SPRED1: variants seen among roughly 807,000 people sequenced by gnomAD.
SPRED1 encodes the protein sprouty-related, EVH1 domain-containing protein 1.
In SPRED1, 18 loss-of-function variants were observed where a neutral mutation model predicts 52.3. The ratio of observed to expected loss-of-function variants is 0.34; its 90% CI spans 0.24 to 0.51. The LOEUF (loss-of-function observed/expected upper bound fraction) is 0.51, where lower values mean the gene tolerates loss of function less well. SPRED1 is among the 20% of genes least tolerant of loss of function. The probability of loss-of-function intolerance (pLI) is 0.97; values close to 1 mark genes in which losing one functional copy is unlikely to be tolerated. For missense variants in SPRED1, 485 were observed against 551.0 expected, an observed-to-expected ratio of 0.88 and a Z score of 1.20; for synonymous variants, 155 against 179.7, an observed-to-expected ratio of 0.86 and a Z score of 1.10.
At chr15:38,317,912 T>C (rs16966735) in intron 2 of SPRED1, among the ~76,000 whole-genome samples, 6,263 of 151,816 alleles carry the variant, frequency 0.041, 441 homozygotes, top group African/African-American at 0.14. Flanking sequence ...ACATTGTGTT[T>C]AGTATGATGA....
At chr15:38,300,862 G>A (rs1406706926) in intron 2 of SPRED1, among the ~76,000 whole-genome samples, 8 of 152,090 alleles carry the variant, frequency 5.3e-5, no homozygotes, top group African/African-American at 1.9e-4. Context: ...ATCTAAGAAG[G>A]CGCCTATGAT....
chr15:38,321,968 T>C (rs1468713846), intron 2 of SPRED1, among the ~76,000 whole-genome samples: 1 of 152,186 alleles, frequency 6.6e-6, no homozygotes, highest in African/African-American at 2.4e-5. Flanking sequence ...ATTCCTGATA[T>C]ATTCCTCCAG....
intron 4 of SPRED1, among the ~76,000 whole-genome samples, chr15:38,334,851 T>C (rs1196616396): frequency 2.6e-5 from 4 of 151,162 alleles, no homozygotes; most frequent in African/African-American, 9.7e-5. Context: ...GTATATACAG[T>C]CAATCTCTCA....
chr15:38,316,748 GTTTTTTT>G (rs1555390721), intron 2 of SPRED1, among the ~76,000 whole-genome samples: 1 of 41,908 alleles, frequency 2.4e-5, no homozygotes, highest in African/African-American at 9.4e-5. Context: ...TCCATTATAT[GTTTTTTT>G]TTTTTTTTTT....
At chr15:38,290,386 T>A (rs1364983303) in intron 1 of SPRED1, among the ~76,000 whole-genome samples, 3 of 152,216 alleles carry the variant, frequency 2.0e-5, no homozygotes, top group African/African-American at 7.2e-5. Flanking sequence ...GAACCTAAAA[T>A]GATTGATTCT....
intron 2 of SPRED1, among the ~76,000 whole-genome samples, chr15:38,316,756 T>TTTG (rs1895492260): frequency 6.8e-6 from 1 of 146,034 alleles, no homozygotes; most frequent in Non-Finnish European, 1.5e-5. Flanking sequence ...ATGTTTTTTT[T>TTTG]TTTTTTTTTT....
At chr15:38,323,861 C>T (rs1174408109) in intron 3 of SPRED1, among the ~76,000 whole-genome samples, 2 of 152,060 alleles carry the variant, frequency 1.3e-5, no homozygotes, top group Admixed American at 1.3e-4. Context: ...GCTCATGTAC[C>T]ATAACAGTAT....
intron 1 of SPRED1, among the ~76,000 whole-genome samples, chr15:38,256,072 A>G (rs1894089908): frequency 6.6e-6 from 1 of 152,178 alleles, no homozygotes; most frequent in Non-Finnish European, 1.5e-5. Context: ...TATTTAATCA[A>G]GAATTAGTGG....
In SPRED1 at chr15:38,351,292, G is replaced by A. The variant is rs369711772; in HGVS notation, c.963G>A (p.Lys321=). The change falls in exon 7 of 7, where the codon AAG becomes AAA. Residue 321 remains lysine, a synonymous_variant. Transcript: ENST00000299084. ...FKTQPSSLKI[K]KSKRRKEDGE... ...CGCAGCCTTCCTCATTAAAAATTAA[G>A]AAGTCAAAACGAAGAAAAGAGGATG... The A allele has an allele frequency of 2.0e-4, 320 of 1,613,980 alleles. No homozygotes were observed. The highest frequency in any genetic ancestry group is 2.5e-4 in the Non-Finnish European group (299 of 1,180,018).
intron 2 of SPRED1, among the ~76,000 whole-genome samples, chr15:38,321,729 G>A (rs1410357335): frequency 6.6e-6 from 1 of 152,058 alleles, no homozygotes; most frequent in African/African-American, 2.4e-5. Flanking sequence ...GAGTAGCTGG[G>A]ATTACAGGCA....
At chr15:38,264,198 G>A (rs1894258723) in intron 1 of SPRED1, among the ~76,000 whole-genome samples, 2 of 152,190 alleles carry the variant, frequency 1.3e-5, no homozygotes, top group Admixed American at 1.3e-4. Context: ...GTTTACAGAT[G>A]AGATAACTGA....
rs1489121428 is a variant in SPRED1, at chr15:38,356,296, A to G, written c.*4632A>G. 1 of 152,132 alleles carries G rather than the reference A, an allele frequency of 6.6e-6. No homozygotes were observed. Among genetic ancestry groups the G allele is most frequent in the African/African-American group, 2.4e-5 (1 of 41,436 alleles). 9.4% of individuals were successfully genotyped at this position (152,132 alleles called of 1,614,324 possible). A position where few individuals can be genotyped will look rare whatever the true frequency, so the allele number is the denominator to read the frequency against. ...CTCAGATATAGTTAACTAGCTTGAT[A>G]GTTTTGAGTATATAATGTAAATAAT... On this transcript the variant is annotated 3_prime_UTR_variant, in exon 7 of 7. Coordinates refer to ENST00000299084, the MANE Select transcript of SPRED1 (RefSeq NM_152594.3).
intron 1 of SPRED1, among the ~76,000 whole-genome samples, chr15:38,282,855 C>T (rs576307769): frequency 4.0e-5 from 6 of 151,898 alleles, no homozygotes; most frequent in African/African-American, 1.2e-4. Context: ...GTAAGTCCCT[C>T]GCTGTCATGC....
chr15:38,310,153 G>GTGTGTGTGTGTGTGTGTTTT (rs373463622), intron 2 of SPRED1, among the ~76,000 whole-genome samples: 1 of 132,182 alleles, frequency 7.6e-6, no homozygotes, highest in Non-Finnish European at 1.6e-5. Flanking sequence ...GTGTGTGTGT[G>GTGTGTGTGTGTGTGTGTTTT]TTTGGAGACG....
In SPRED1 at chr15:38,354,500, G is replaced by C. The variant is rs1174717643; in HGVS notation, c.*2836G>C. 6.6e-6 allele frequency: 1 copy of C among 152,146 alleles called. No individual in the cohort carries two copies. The highest frequency in any genetic ancestry group is 6.5e-5 in the Admixed American group (1 of 15,268). 9.4% of individuals were successfully genotyped at this position (152,146 alleles called of 1,614,324 possible). Reference sequence around the variant, plus strand: ...GATTTCTGAAGAAGTATGTCGTGTGGAGCTTCAGCACCACCTACTGGATGA... The same window carrying C: ...GATTTCTGAAGAAGTATGTCGTGTGCAGCTTCAGCACCACCTACTGGATGA... On this transcript the variant is annotated 3_prime_UTR_variant, in exon 7 of 7. Transcript: ENST00000299084.
intron 2 of SPRED1, among the ~76,000 whole-genome samples, chr15:38,308,983 A>C (rs1595738990): frequency 6.6e-6 from 1 of 152,186 alleles, no homozygotes; most frequent in African/African-American, 2.4e-5. Flanking sequence ...CCTCACCAGC[A>C]TTTCAAGTAG....
At chr15:38,286,142 G>A (rs911150775) in intron 1 of SPRED1, among the ~76,000 whole-genome samples, 7 of 135,642 alleles carry the variant, frequency 5.2e-5, no homozygotes, top group African/African-American at 1.9e-4. Flanking sequence ...CTACTGAGCT[G>A]AAAAGCTGAA....
chr15:38,351,207 T>A lies in SPRED1; in HGVS notation c.878T>A (p.Leu293Gln). 1 of 1,614,152 alleles carries A rather than the reference T, an allele frequency of 6.2e-7. No individual in the cohort carries two copies. Among genetic ancestry groups the A allele is most frequent in the Non-Finnish European group, 8.5e-7 (1 of 1,180,016 alleles). The change falls in exon 7 of 7, where the codon CTG (leucine) becomes CAG (glutamine). Residue 293 changes from leucine to glutamine, a missense_variant. Coordinates refer to ENST00000299084, the MANE Select transcript of SPRED1 (RefSeq NM_152594.3). Reference protein sequence around the residue: ...SKPDSKKSDYLYSCGDETKLS... With the variant: ...SKPDSKKSDYQYSCGDETKLS... ...CCAGACAGTAAAAAATCAGACTATC[T>A]GTACTCTTGTGGGGATGAGACTAAG...
chr15:38,337,346 A>G (rs1171559367), intron 4 of SPRED1, among the ~76,000 whole-genome samples: 1 of 152,218 alleles, frequency 6.6e-6, no homozygotes, highest in African/African-American at 2.4e-5. Context: ...TGAATAATAT[A>G]TACTTCATTG....
Sources: allele counts gnomAD v4.1 joint callset (sites outside exome capture counted in the v4.1 genomes callset), GRCh38; gene constraint gnomAD v4.1.1; transcripts MANE v1.5; gene names NCBI Gene and HGNC (gene_info 2026-07-23, HGNC 2026-07-21).